Variants in FAM13C observed in about 807,000 individuals in gnomAD.
The protein encoded by FAM13C is family with sequence similarity 13 member C.
A neutral mutation model predicts 73.2 loss-of-function variants in FAM13C; 37 were observed. The ratio of observed to expected loss-of-function variants is 0.51; its 90% CI spans 0.39 to 0.67. The LOEUF is 0.67. FAM13C is among the 30% of genes least tolerant of loss of function. The pLI is 0.00. For synonymous variants in FAM13C, 246 were observed against 260.9 expected (o/e 0.94, Z 0.55); for missense variants, 589 against 715.6 (o/e 0.82, Z 2.02).
rs1856540368 is a variant in FAM13C, at chr10:59,362,510, A to G, written c.-50T>C. 1.9e-6 allele frequency: 3 copies of G among 1,598,872 alleles called. No homozygotes were observed. In the Admixed American group the frequency reaches 5.2e-5, roughly 28 times the overall value. On this transcript the variant is annotated 5_prime_UTR_variant, in exon 1 of 14. It removes the in-frame stop codon of an upstream open reading frame in the 5' UTR. Transcript: ENST00000618804. ...TCTCCCTGATTGCTCTCCGGGAGTT[A>G]GAGCACATACACAAACATGGCATTG...
intron 3 of FAM13C, among the ~76,000 whole-genome samples, chr10:59,333,647 T>A (rs1345139510): frequency 3.3e-5 from 5 of 152,228 alleles, no homozygotes; most frequent in Admixed American, 3.3e-4. Context: ...CTGAAATTAT[T>A]AAAGTATGTC....
rs533843655 is a variant in FAM13C, at chr10:59,255,903, T to C, written c.1237-1460A>G. Reference sequence around the variant, plus strand: ...GAGGAGAGAGATCATATCACATACTTCTTTAAATTCTCACAGTACCCAATA... The same window carrying C: ...GAGGAGAGAGATCATATCACATACTCCTTTAAATTCTCACAGTACCCAATA... On this transcript the variant is annotated intron_variant, in intron 10 of 13. Coordinates refer to ENST00000618804, the MANE Select transcript of FAM13C (RefSeq NM_198215.4). 2.0e-5 allele frequency among the ~76,000 whole-genome samples: 3 copies of C among 152,068 alleles called. No homozygotes were observed. The South Asian group carries it at 6.2e-4, about 32-fold the overall frequency.
rs115954483 is a variant in FAM13C at position 59,254,857 on chromosome 10, G to A, written c.1237-414C>T. 9.6e-3 allele frequency among the ~76,000 whole-genome samples: 1,456 copies of A among 152,086 alleles called. 5 individuals are homozygous for A. Among genetic ancestry groups the A allele is most frequent in the Admixed American group, 0.021 (314 of 15,264 alleles). On this transcript the variant is annotated intron_variant, in intron 10 of 13. Transcript: ENST00000618804. The stretch of plus-strand genomic sequence containing the variant: ...TGACCTCAAGTGATCAGCCTGCCTC[G>A]GCCCCCAGTTACAGGTGTGAGCCAC...
At chr10:59,328,928 A>G (rs559504685) in intron 3 of FAM13C, among the ~76,000 whole-genome samples, 12 of 152,174 alleles carry the variant, frequency 7.9e-5, no homozygotes, top group Non-Finnish European at 1.6e-4. Flanking sequence ...CCTATCCTAC[A>G]TCACCCAAGA....
rs770941947 is a variant in FAM13C at position 59,326,042 on chromosome 10, AT to A, written c.325-1937del. Among the ~76,000 whole-genome samples the A allele has an allele frequency of 2.7e-4, 40 of 150,036 alleles. No individual in the cohort carries two copies. The East Asian group carries it at 4.1e-3, about 15-fold the overall frequency. ...TCCTTTTAGGAAAGAGTACTGTTTG[AT>A]TTTTTTTTTGAAAATAGTATTTTAT... On this transcript the variant is annotated intron_variant, in intron 3 of 13. Transcript: ENST00000618804.
chr10:59,281,329 G>T (rs1308447373), intron 6 of FAM13C, among the ~76,000 whole-genome samples: 1 of 152,170 alleles, frequency 6.6e-6, no homozygotes, highest in Non-Finnish European at 1.5e-5. Flanking sequence ...TGGTCTTCCT[G>T]TAAGAGTGCA....
intron 3 of FAM13C, among the ~76,000 whole-genome samples, chr10:59,324,748 T>A (rs1850860166): frequency 6.6e-6 from 1 of 152,104 alleles, no homozygotes; most frequent in Non-Finnish European, 1.5e-5. Context: ...ATCTCTCCCC[T>A]CATCCTGCCA....
chr10:59,358,198 T>C (rs562510723), intron 1 of FAM13C, among the ~76,000 whole-genome samples: 2 of 152,226 alleles, frequency 1.3e-5, no homozygotes, highest in African/African-American at 4.8e-5. Flanking sequence ...GCCAACATGG[T>C]AAAACCCCGT....
At chr10:59,252,513 C>G (rs1013523896) in intron 12 of FAM13C, among the ~76,000 whole-genome samples, 1 of 151,778 alleles carries the variant, frequency 6.6e-6, no homozygotes, top group Non-Finnish European at 1.5e-5. Context: ...ATGCCAGCTA[C>G]TGAATAATGA....
At chr10:59,274,411 TG>T (rs1262092072) in intron 6 of FAM13C, among the ~76,000 whole-genome samples, 1 of 151,760 alleles carries the variant, frequency 6.6e-6, no homozygotes, top group African/African-American at 2.4e-5. Flanking sequence ...TCATGTCAGG[TG>T]GGAATGAGGG....
chr10:59,273,601 A>G (rs984266136), intron 6 of FAM13C, among the ~76,000 whole-genome samples: 1 of 152,120 alleles, frequency 6.6e-6, no homozygotes, highest in Non-Finnish European at 1.5e-5. Context: ...TGGTAGTAAT[A>G]TGCTCTTCAT....
At chr10:59,341,864 C>A (rs16913437) in intron 3 of FAM13C, among the ~76,000 whole-genome samples, 24,348 of 152,036 alleles carry the variant, frequency 0.16, 2,230 homozygotes, top group East Asian at 0.32. Context: ...TTACCTGTGC[C>A]TAGAGGTATC....
chr10:59,268,541 C>G lies in FAM13C; in HGVS notation c.942+12G>C. ...ACCAATCCGCTCCTATGTCAAACCCCAGGGTTCTTACCCGGTATTTCTTTT... is the reference window on the plus strand; with the variant it reads ...ACCAATCCGCTCCTATGTCAAACCCGAGGGTTCTTACCCGGTATTTCTTTT... On this transcript the variant is annotated intron_variant, in intron 8 of 13. Coordinates refer to ENST00000618804, the MANE Select transcript of FAM13C (RefSeq NM_198215.4). 1.2e-6 allele frequency: 2 copies of G among 1,613,520 alleles called. No individual in the cohort carries two copies. The highest frequency in any genetic ancestry group is 2.2e-5 in the South Asian group (2 of 91,038).
At chr10:59,353,678 T>C (rs558924415) in intron 2 of FAM13C, among the ~76,000 whole-genome samples, 1 of 152,306 alleles carries the variant, frequency 6.6e-6, no homozygotes, top group South Asian at 2.1e-4. Flanking sequence ...TTCCAGGTAG[T>C]CTTTGGGAAA....
At chr10:59,287,151 A>G (rs1384814225) in intron 5 of FAM13C, among the ~76,000 whole-genome samples, 1 of 151,666 alleles carries the variant, frequency 6.6e-6, no homozygotes, top group African/African-American at 2.4e-5. Flanking sequence ...AGCCTGACCA[A>G]TATGGTGAAA....
At chr10:59,275,385 C>T (rs925457267) in intron 6 of FAM13C, among the ~76,000 whole-genome samples, 1 of 152,148 alleles carries the variant, frequency 6.6e-6, no homozygotes, top group African/African-American at 2.4e-5. Context: ...GGTTGTCTAC[C>T]AAGCCCTGGG....
chr10:59,362,710 C>A, upstream of FAM13C: 2 of 738,070 alleles, frequency 2.7e-6, no homozygotes, highest in Non-Finnish European at 4.1e-6. Context: ...GGGCTGGGAC[C>A]CCGGGATCCA....
intron 4 of FAM13C, among the ~76,000 whole-genome samples, chr10:59,317,152 G>GTT (rs1849636021): frequency 1.3e-5 from 2 of 151,466 alleles, no homozygotes; most frequent in African/African-American, 4.9e-5. Flanking sequence ...GTGTGTGTGT[G>GTT]TGTAGTATTT....
At chr10:59,358,471 C>T (rs1254514986) in intron 1 of FAM13C, among the ~76,000 whole-genome samples, 1 of 152,190 alleles carries the variant, frequency 6.6e-6, no homozygotes, top group Non-Finnish European at 1.5e-5. Flanking sequence ...AACAAATCCC[C>T]AAGTACCGCT....
Sources: gnomAD v4.1 joint callset for allele counts (sites outside exome capture counted in the v4.1 genomes callset) on GRCh38, gnomAD v4.1.1 for gene constraint, MANE v1.5 for transcripts, NCBI Gene and HGNC (gene_info 2026-07-23, HGNC 2026-07-21) for gene names.